The following NRG3 variants were observed in gnomAD, a reference collection of about 807,000 sequenced individuals.
The protein encoded by NRG3 is neuregulin 3.
A neutral mutation model predicts 66.9 loss-of-function variants in NRG3; 31 were observed. The observed-to-expected ratio is 0.46, with a 90% CI of 0.35 to 0.63. NRG3 has a LOEUF of 0.63. Among genes scored for constraint, NRG3 ranks in the 20% least tolerant of loss-of-function variants. NRG3 has a pLI of 0.00. For missense variants in NRG3, 910 were observed against 878.9 expected (o/e 1.04, Z -0.45); for synonymous variants, 393 against 359.4 (o/e 1.09, Z -1.06).
At chr10:82,122,369 T>C (rs983840157) in intron 1 of NRG3, among the ~76,000 whole-genome samples, 4 of 152,186 alleles carry the variant, frequency 2.6e-5, no homozygotes, top group Admixed American at 6.5e-5. Flanking sequence ...CTTTTCCTGC[T>C]TTTGCTTATG....
chr10:82,693,868 C>G (rs772368132), intron 2 of NRG3, among the ~76,000 whole-genome samples: 4 of 152,198 alleles, frequency 2.6e-5, no homozygotes, highest in Non-Finnish European at 5.9e-5. Context: ...ACAAAGCTCC[C>G]TCAGTGTGGA....
chr10:82,387,412 G>A (rs943847301), intron 2 of NRG3, among the ~76,000 whole-genome samples: 2 of 152,178 alleles, frequency 1.3e-5, no homozygotes, highest in African/African-American at 4.8e-5. Context: ...AGGCTGGTTG[G>A]TTGGCATTGT....
intron 1 of NRG3, among the ~76,000 whole-genome samples, chr10:82,191,841 G>T (rs570289274): frequency 6.6e-6 from 1 of 152,268 alleles, no homozygotes; most frequent in East Asian, 1.9e-4. Flanking sequence ...AAGAAGGATT[G>T]ATTTGTGCTC....
chr10:82,559,565 C>A (rs2044889030), intron 2 of NRG3, among the ~76,000 whole-genome samples: 1 of 152,156 alleles, frequency 6.6e-6, no homozygotes, highest in Non-Finnish European at 1.5e-5. Flanking sequence ...CCCAGAAGGA[C>A]AGCAGCTGGT....
intron 3 of NRG3, among the ~76,000 whole-genome samples, chr10:82,814,709 A>G (rs2135528912): frequency 6.6e-6 from 1 of 152,324 alleles, no homozygotes; most frequent in Admixed American, 6.5e-5. Flanking sequence ...TTTTATAATA[A>G]CCAACAATTT....
At chr10:82,591,305 A>G (rs2046969628) in intron 2 of NRG3, among the ~76,000 whole-genome samples, 1 of 152,228 alleles carries the variant, frequency 6.6e-6, no homozygotes, top group Non-Finnish European at 1.5e-5. Flanking sequence ...CCAAATTGAT[A>G]TTTTCATGAA....
intron 6 of NRG3, among the ~76,000 whole-genome samples, chr10:82,967,594 T>G (rs1851327550): frequency 6.6e-6 from 1 of 152,182 alleles, no homozygotes; most frequent in Admixed American, 6.5e-5. Flanking sequence ...TCAGAAGTGT[T>G]TCTTCACTTT....
At chr10:82,332,962 C>G (rs1399851064) in intron 1 of NRG3, among the ~76,000 whole-genome samples, 1 of 152,154 alleles carries the variant, frequency 6.6e-6, no homozygotes, top group Non-Finnish European at 1.5e-5. Context: ...GAATGTTTTT[C>G]TACTTATATA....
Position 82,603,971 on chromosome 10 carries a change from C to T in NRG3, c.954-134606C>T, listed in dbSNP as rs938622962. ...AGAGTTTTCATATGACCCTTAACTG[C>T]CTATCGGTTTTCCCTAACATTAACA... On this transcript the variant is annotated intron_variant, in intron 2 of 8. Transcript: ENST00000372141. Among the ~76,000 whole-genome samples the T allele has an allele frequency of 3.3e-5, 5 of 152,202 alleles. No homozygotes were observed. The South Asian group carries it at 8.3e-4, about 25-fold the overall frequency.
intron 6 of NRG3, among the ~76,000 whole-genome samples, chr10:82,970,974 A>G (rs2132557230): frequency 6.6e-6 from 1 of 152,340 alleles, no homozygotes; most frequent in Non-Finnish European, 1.5e-5. Flanking sequence ...CTGTACAAGA[A>G]GCATGGTGCC....
rs1443265379 is a variant in NRG3 at position 82,300,389 on chromosome 10, C to A, written c.824-58350C>A. ...TTGTGTGTTTGAAAATACCCATAAT[C>A]AAAAGTTTTAAAAATTGCAATGTAA... On this transcript the variant is annotated intron_variant, in intron 1 of 8. Transcript: ENST00000372141. 2.6e-5 allele frequency among the ~76,000 whole-genome samples: 4 copies of A among 152,008 alleles called. No homozygotes were observed. In the East Asian group the frequency reaches 5.8e-4, roughly 22 times the overall value.
At chr10:82,664,335 A>T (rs1445877963) in intron 2 of NRG3, among the ~76,000 whole-genome samples, 1 of 152,182 alleles carries the variant, frequency 6.6e-6, no homozygotes, top group African/African-American at 2.4e-5. Flanking sequence ...TAAAAAGTAG[A>T]TATCCTGCCA....
At chr10:82,090,496 T>C (rs890724631) in intron 1 of NRG3, among the ~76,000 whole-genome samples, 13 of 152,214 alleles carry the variant, frequency 8.5e-5, no homozygotes, top group African/African-American at 3.1e-4. Context: ...AAAACATATA[T>C]GCCAACAACT....
At chr10:82,425,348 T>C (rs548364345) in intron 2 of NRG3, among the ~76,000 whole-genome samples, 1 of 152,140 alleles carries the variant, frequency 6.6e-6, no homozygotes, top group African/African-American at 2.4e-5. Context: ...AAGACTTGTA[T>C]TGTTTTTCTT....
chr10:82,214,004 C>T (rs72825487), intron 1 of NRG3, among the ~76,000 whole-genome samples: 18,063 of 151,988 alleles, frequency 0.12, 1,470 homozygotes, highest in African/African-American at 0.24. Context: ...ATTTCTCAGA[C>T]GCTGCCACAG....
intron 1 of NRG3, among the ~76,000 whole-genome samples, chr10:82,177,439 C>G (rs1468371049): frequency 6.6e-6 from 1 of 152,132 alleles, no homozygotes; most frequent in Non-Finnish European, 1.5e-5. Flanking sequence ...TCCATTAACA[C>G]TCAAGTTTAA....
At chr10:82,739,148 A>G (rs1295260892) in intron 3 of NRG3, among the ~76,000 whole-genome samples, 1 of 152,198 alleles carries the variant, frequency 6.6e-6, no homozygotes, top group African/African-American at 2.4e-5. Context: ...TGGCAACACT[A>G]TTTGCATATC....
chr10:82,468,925 A>G (rs1840959023), intron 2 of NRG3, among the ~76,000 whole-genome samples: 1 of 152,128 alleles, frequency 6.6e-6, no homozygotes, highest in Admixed American at 6.5e-5. Context: ...CAATGGGAGA[A>G]AAAAACAAAC....
chr10:82,631,782 C>A (rs1391553853), intron 2 of NRG3, among the ~76,000 whole-genome samples: 1 of 152,002 alleles, frequency 6.6e-6, no homozygotes, highest in Non-Finnish European at 1.5e-5. Context: ...TAATTCCACA[C>A]TGAAAATTTA....
Sources: gnomAD v4.1 joint callset for allele counts (sites outside exome capture counted in the v4.1 genomes callset) on GRCh38, gnomAD v4.1.1 for gene constraint, MANE v1.5 for transcripts, NCBI Gene and HGNC (gene_info 2026-07-23, HGNC 2026-07-21) for gene names.